KIAA1217: variants seen among roughly 807,000 people sequenced by gnomAD.
The protein encoded by KIAA1217 is KIAA1217.
KIAA1217 carries 88 observed loss-of-function variants against 163.9 expected under a neutral mutation model. The observed-to-expected ratio is 0.54, with a 90% CI of 0.45 to 0.64. KIAA1217 has a LOEUF of 0.64. Among genes scored for constraint, KIAA1217 ranks in the 30% least tolerant of loss-of-function variants. The pLI is 0.00. For missense variants in KIAA1217, 2,372 were observed against 2,475.0 expected (o/e 0.96, Z 0.88); for synonymous variants, 903 against 923.1 (o/e 0.98, Z 0.39).
chr10:24,208,344 T>C (rs1042276588), upstream of KIAA1217, among the ~76,000 whole-genome samples: 1 of 151,078 alleles, frequency 6.6e-6, no homozygotes, highest in Non-Finnish European at 1.5e-5. Flanking sequence ...ACTTTACTAG[T>C]TTACCTTTCA....
intron 2 of KIAA1217, among the ~76,000 whole-genome samples, chr10:24,203,482 A>G (rs1329675012): frequency 6.6e-6 from 1 of 152,032 alleles, no homozygotes; most frequent in East Asian, 1.9e-4. Context: ...TGGTGGGGGA[A>G]ACAGGGAGAA....
At chr10:24,174,919 A>G (rs1377222774) in intron 2 of KIAA1217, among the ~76,000 whole-genome samples, 2 of 152,038 alleles carry the variant, frequency 1.3e-5, no homozygotes, top group African/African-American at 2.4e-5. Context: ...GTGCAGTGGC[A>G]TGAGCTCAAC....
chr10:23,739,423 CAG>C (rs1271143950), intron 1 of KIAA1217, among the ~76,000 whole-genome samples: 6 of 152,094 alleles, frequency 3.9e-5, no homozygotes, highest in African/African-American at 1.4e-4. Flanking sequence ...ATATAGGAAA[CAG>C]AGCATTCCAG....
In KIAA1217 at chr10:24,231,855, G is replaced by A. The variant is rs144467528; in HGVS notation, c.354+11946G>A. On this transcript the variant is annotated intron_variant, in intron 2 of 20. Coordinates refer to ENST00000376454, the MANE Select transcript of KIAA1217 (RefSeq NM_019590.5). The stretch of plus-strand genomic sequence containing the variant: ...GCTCTCTCACCCAGGCTGGAGTGCA[G>A]TGGCATGATCTCGGCTCACTGCAAC... Among the ~76,000 whole-genome samples the A allele has an allele frequency of 2.7e-3, 403 of 151,456 alleles. 3 individuals are homozygous for A. The highest frequency in any genetic ancestry group is 9.1e-3 in the African/African-American group (376 of 41,234).
At chr10:24,209,370 AAAAAGGC>A in intron 1 of KIAA1217, 107 bp downstream of exon 1, 1 of 825,088 alleles carries the variant, frequency 1.2e-6, no homozygotes, top group South Asian at 1.6e-5. Context: ...GAAAAAAAAA[AAAAAGGC>A]AATTTCTTGG....
intron 1 of KIAA1217, among the ~76,000 whole-genome samples, chr10:23,888,088 C>T (rs1841259615): frequency 6.6e-6 from 1 of 151,934 alleles, no homozygotes; most frequent in Non-Finnish European, 1.5e-5. Context: ...AAACGGAATA[C>T]AGTCAAGTTT....
rs1224598825 is a variant in KIAA1217 at position 24,531,976 on chromosome 10, G to A, written c.3229G>A (p.Glu1077Lys). The change falls in exon 15 of 21, where the codon GAG becomes AAG. Residue 1077 changes from glutamate (E) to lysine (K), a missense_variant. By Grantham distance (56) the Glu-to-Lys change is moderately conservative. Coordinates refer to ENST00000376454, the MANE Select transcript of KIAA1217 (RefSeq NM_019590.5). ...SGDVVYTGRK[E>K]NITAKASSED... The stretch of plus-strand genomic sequence containing the variant: ...CGATGTGGTCTACACCGGCAGAAAG[G>A]AGAACATCACCGCTAAGGTCTGATA... 4 of 1,578,800 alleles carry A rather than the reference G, an allele frequency of 2.5e-6. No individual in the cohort carries two copies. Among genetic ancestry groups the A allele is most frequent in the Non-Finnish European group, 3.5e-6 (4 of 1,158,412 alleles).
At position 23,915,030 on chromosome 10, in the gene KIAA1217, C is replaced by T. The variant is rs16924056; in HGVS notation, c.-320-92195C>T. Among the ~76,000 whole-genome samples the T allele has an allele frequency of 4.4e-3, 668 of 151,722 alleles. 10 individuals carry two copies. The highest frequency in any genetic ancestry group is 0.015 in the African/African-American group (605 of 41,358). The stretch of plus-strand genomic sequence containing the variant: ...GAAGAAAAGAAATTATAGACCCGAC[C>T]TGTGACAGAAGAAAGAGAACCCTAC... On this transcript the variant is annotated intron_variant, in intron 1 of 18. Coordinates refer to the KIAA1217 transcript ENST00000376462.
At chr10:23,917,123 T>C (rs1252829813) in intron 1 of KIAA1217, among the ~76,000 whole-genome samples, 2 of 152,184 alleles carry the variant, frequency 1.3e-5, no homozygotes, top group African/African-American at 4.8e-5. Context: ...ACATATTTTA[T>C]TATGCTCCCA....
At chr10:24,189,437 C>T (rs772161269) in intron 2 of KIAA1217, among the ~76,000 whole-genome samples, 49 of 152,232 alleles carry the variant, frequency 3.2e-4, no homozygotes, top group South Asian at 8.3e-4. Context: ...ACAATTAATA[C>T]AATAATTTAA....
At chr10:24,514,735 A>G (rs1422799753) in intron 10 of KIAA1217, among the ~76,000 whole-genome samples, 1 of 152,142 alleles carries the variant, frequency 6.6e-6, no homozygotes, top group Non-Finnish European at 1.5e-5. Flanking sequence ...CATACCTGTA[A>G]TCCCAGCACT....
At chr10:23,857,258 A>G (rs554962151) in intron 1 of KIAA1217, among the ~76,000 whole-genome samples, 1 of 152,358 alleles carries the variant, frequency 6.6e-6, no homozygotes, top group African/African-American at 2.4e-5. Context: ...TTCAGGGGTC[A>G]GAACATCTTA....
chr10:23,984,784 A>G (rs1845904761), intron 1 of KIAA1217, among the ~76,000 whole-genome samples: 1 of 152,074 alleles, frequency 6.6e-6, no homozygotes, highest in Non-Finnish European at 1.5e-5. Context: ...AAGGGGAGGG[A>G]GAGCATTAGG....
intron 1 of KIAA1217, among the ~76,000 whole-genome samples, chr10:23,865,782 G>T (rs999802104): frequency 6.6e-6 from 1 of 152,064 alleles, no homozygotes; most frequent in African/African-American, 2.4e-5. Flanking sequence ...ATTTATTAAG[G>T]TTATTAAATT....
intron 2 of KIAA1217, among the ~76,000 whole-genome samples, chr10:24,226,454 G>A (rs1298322331): frequency 5.3e-5 from 8 of 150,692 alleles, no homozygotes; most frequent in South Asian, 4.2e-4. Flanking sequence ...GTGAAACCCC[G>A]TCTCTACTAA....
intron 2 of KIAA1217, among the ~76,000 whole-genome samples, chr10:24,326,505 A>G (rs369810079): frequency 6.6e-6 from 1 of 152,188 alleles, no homozygotes; most frequent in Admixed American, 6.5e-5. Context: ...TTGTAGTTAT[A>G]TAATTCATTT....
intron 3 of KIAA1217, among the ~76,000 whole-genome samples, chr10:24,403,332 G>A (rs540061467): frequency 6.6e-6 from 1 of 152,116 alleles, no homozygotes; most frequent in Non-Finnish European, 1.5e-5. Flanking sequence ...TCTGCCACCC[G>A]GGTTCGAGCA....
At chr10:24,489,472 A>G (rs1211006368) in intron 6 of KIAA1217, among the ~76,000 whole-genome samples, 1 of 152,038 alleles carries the variant, frequency 6.6e-6, no homozygotes, top group African/African-American at 2.4e-5. Flanking sequence ...CCATTCATTT[A>G]CTTAGATATA....
rs184009009 is a variant in KIAA1217 at position 24,076,200 on chromosome 10, C to T, written c.-171+68826C>T. ...GGCCAACTCATGAGTCACACCAGGC[C>T]ATGGGGTTATTTTCCTGCTGGCTAT... On this transcript the variant is annotated intron_variant, in intron 2 of 18. Transcript: ENST00000376462. Among the ~76,000 whole-genome samples, 294 of 152,288 alleles carry T rather than the reference C, an allele frequency of 1.9e-3. 3 individuals carry two copies. The highest frequency in any genetic ancestry group is 2.9e-3 in the Non-Finnish European group (194 of 68,026).
Sources: allele counts gnomAD v4.1 joint callset (sites outside exome capture counted in the v4.1 genomes callset), GRCh38; gene constraint gnomAD v4.1.1; transcripts MANE v1.5; gene names NCBI Gene and HGNC (gene_info 2026-07-23, HGNC 2026-07-21).